MAPKAPK3: variants seen among roughly 807,000 people sequenced by gnomAD.
MAPKAPK3 encodes the protein MAP kinase-activated protein kinase 3.
Under a neutral mutation model 49.2 loss-of-function variants are expected in MAPKAPK3, and 35 were observed. That is an observed-to-expected ratio of 0.71 (90% CI 0.54 to 0.94). The LOEUF (loss-of-function observed/expected upper bound fraction) is 0.94. MAPKAPK3 is among the 40% of genes least tolerant of loss of function. The pLI is 0.00. For synonymous variants in MAPKAPK3, 178 were observed against 188.7 expected (o/e 0.94, Z 0.46); for missense variants, 398 against 493.1 (o/e 0.81, Z 1.83).
intron 2 of MAPKAPK3, among the ~76,000 whole-genome samples, chr3:50,625,190 C>T (rs1232868673): frequency 6.6e-6 from 1 of 152,198 alleles, no homozygotes; most frequent in Non-Finnish European, 1.5e-5. Context: ...GTGACTGTTA[C>T]TATCCCTGCA....
Position 50,647,146 on chromosome 3 carries a change from C to A in MAPKAPK3, c.939C>A (p.Thr313=). The change falls in exon 10 of 11, where the codon ACC becomes ACA. Residue 313 remains threonine (T), a synonymous_variant. Transcript: ENST00000621469. ...WINQSMVVPQ[T]PLHTARVLQE... is the part of the protein sequence containing the mutation. The stretch of plus-strand genomic sequence containing the variant: ...AGCAATCGATGGTAGTGCCACAGAC[C>A]CCACTCCACACGGCCCGAGTGCTGC... 7 of 1,593,018 alleles carry A rather than the reference C, an allele frequency of 4.4e-6. No individual in the cohort carries two copies. Among genetic ancestry groups the A allele is most frequent in the Non-Finnish European group, 6.0e-6 (7 of 1,169,638 alleles).
At chr3:50,624,826 T>G (rs138184351) in intron 2 of MAPKAPK3, among the ~76,000 whole-genome samples, 347 of 152,284 alleles carry the variant, frequency 2.3e-3, no homozygotes, top group African/African-American at 8.0e-3. Context: ...GTGAGAGGCA[T>G]TCCAAGCATA....
chr3:50,623,512 G>C (rs1349858129), intron 2 of MAPKAPK3, among the ~76,000 whole-genome samples: 1 of 152,158 alleles, frequency 6.6e-6, no homozygotes, highest in Admixed American at 6.5e-5. Flanking sequence ...ACTGATGCCA[G>C]CTCTCCAGGA....
At chr3:50,644,331 T>A in intron 5 of MAPKAPK3, 78 bp from the exon 6 acceptor site, 2 of 1,552,762 alleles carry the variant, frequency 1.3e-6, no homozygotes, top group Non-Finnish European at 1.8e-6. Flanking sequence ...AGTCGGGGAG[T>A]CTGGCTGAAG....
intron 3 of MAPKAPK3, 49 bp from the exon 4 acceptor site, chr3:50,641,658 G>C: frequency 6.8e-7 from 1 of 1,470,712 alleles, no homozygotes; most frequent in Non-Finnish European, 9.5e-7. Flanking sequence ...GGCAAGGGTA[G>C]GATGATGTGC....
intron 2 of MAPKAPK3, among the ~76,000 whole-genome samples, chr3:50,620,116 G>T (rs949147810): frequency 1.3e-5 from 2 of 152,182 alleles, no homozygotes; most frequent in African/African-American, 4.8e-5. Context: ...ATTGGGCTAA[G>T]CACAACCTCT....
At chr3:50,620,028 C>T (rs1194986739) in intron 2 of MAPKAPK3, among the ~76,000 whole-genome samples, 1 of 152,204 alleles carries the variant, frequency 6.6e-6, no homozygotes, top group Non-Finnish European at 1.5e-5. Context: ...CACTCCAGGA[C>T]CTTCCTGTTC....
In MAPKAPK3 at chr3:50,647,245, T is replaced by A. The variant is rs971833762; in HGVS notation, c.996+42T>A. 1.9e-6 allele frequency: 3 copies of A among 1,538,722 alleles called. No homozygotes were observed. The African/African-American group carries it at 4.1e-5, about 21-fold the overall frequency. On this transcript the variant is annotated intron_variant, in intron 10 of 10. Coordinates refer to ENST00000621469, the MANE Select transcript of MAPKAPK3 (RefSeq NM_001243925.2). ...TCAGTCTCAATACAGGTGCCAGGAT[T>A]TGGGCAAAAGGGACTTCAGGGGGGT...
At chr3:50,645,576 G>T in intron 6 of MAPKAPK3, 134 bp from the exon 7 acceptor site, 1 of 648,338 alleles carries the variant, frequency 1.5e-6, no homozygotes. Flanking sequence ...TTTCCAAAAG[G>T]TGCCAGACGC....
chr3:50,624,684 A>G (rs893837691), intron 2 of MAPKAPK3, among the ~76,000 whole-genome samples: 2 of 152,134 alleles, frequency 1.3e-5, no homozygotes, highest in African/African-American at 4.8e-5. Flanking sequence ...TGCTGGGGAC[A>G]TCATCATGGA....
At chr3:50,646,658 G>C in intron 8 of MAPKAPK3, 82 bp from the exon 9 acceptor site, 1 of 1,256,136 alleles carries the variant, frequency 8.0e-7, no homozygotes, top group Non-Finnish European at 1.2e-6. Flanking sequence ...CCCTGCCCCA[G>C]CAGAGCTTGT....
chr3:50,638,282 G>A (rs1005013437), intron 2 of MAPKAPK3, among the ~76,000 whole-genome samples: 1 of 152,064 alleles, frequency 6.6e-6, no homozygotes, highest in African/African-American at 2.4e-5. Flanking sequence ...AGGGAGGGAG[G>A]ATGGTACCTC....
chr3:50,620,398 C>T (rs566654197), intron 2 of MAPKAPK3, among the ~76,000 whole-genome samples: 69 of 152,344 alleles, frequency 4.5e-4, no homozygotes, highest in Middle Eastern at 3.4e-3. Flanking sequence ...TGGTGATGTA[C>T]TCCAGGTTAA....
At chr3:50,613,270 G>T (rs1186402660), upstream of MAPKAPK3, among the ~76,000 whole-genome samples, 1 of 152,190 alleles carries the variant, frequency 6.6e-6, no homozygotes, top group East Asian at 1.9e-4. Flanking sequence ...AGTTTGCTCT[G>T]CCCAGAATGG....
At chr3:50,640,637 A>T in intron 3 of MAPKAPK3, 132 bp downstream of exon 3, 1 of 1,147,814 alleles carries the variant, frequency 8.7e-7, no homozygotes, top group Non-Finnish European at 1.2e-6. Flanking sequence ...CTGAGGGGCA[A>T]TGGAGCAGGC....
intron 2 of MAPKAPK3, 54 bp downstream of exon 2, chr3:50,617,838 C>A: frequency 7.0e-7 from 1 of 1,422,404 alleles, no homozygotes; most frequent in Non-Finnish European, 9.9e-7. Flanking sequence ...ACAGCGGAAG[C>A]CTGTGAGTGA....
At chr3:50,615,550 C>A (rs761786941), upstream of MAPKAPK3, among the ~76,000 whole-genome samples, 1 of 152,174 alleles carries the variant, frequency 6.6e-6, no homozygotes, top group Non-Finnish European at 1.5e-5. Context: ...GGAATGGGGG[C>A]TCTGTCATGA....
chr3:50,648,100 G>A lies in MAPKAPK3; in HGVS notation c.*54G>A. The A allele has an allele frequency of 6.4e-7, 1 of 1,561,526 alleles. No homozygotes were observed. Among genetic ancestry groups the A allele is most frequent in the South Asian group, 1.2e-5 (1 of 83,996 alleles). On this transcript the variant is annotated 3_prime_UTR_variant, in exon 11 of 11. Coordinates refer to ENST00000621469, the MANE Select transcript of MAPKAPK3 (RefSeq NM_001243925.2). Reference sequence around the variant, plus strand: ...CTCAGCCTGCATAACAGACTGAAATGTGCTCAGGCCCTGGCCAGGAGGGCC... The same window carrying A: ...CTCAGCCTGCATAACAGACTGAAATATGCTCAGGCCCTGGCCAGGAGGGCC...
At chr3:50,613,462 G>A (rs1310646318), upstream of MAPKAPK3, among the ~76,000 whole-genome samples, 4 of 152,174 alleles carry the variant, frequency 2.6e-5, no homozygotes, top group Admixed American at 6.5e-5. Flanking sequence ...TGGGGGTAGG[G>A]GGGATGGATA....
Sources: gnomAD v4.1 joint callset for allele counts (sites outside exome capture counted in the v4.1 genomes callset) on GRCh38, gnomAD v4.1.1 for gene constraint, MANE v1.5 for transcripts, NCBI Gene and HGNC (gene_info 2026-07-23, HGNC 2026-07-21) for gene names.